The following TPD52 variants were observed in gnomAD, a reference collection of about 807,000 sequenced individuals.
TPD52 encodes the protein tumor protein D52.
In TPD52, 17 loss-of-function variants were observed where a neutral mutation model predicts 31.3. The observed-to-expected ratio is 0.54, with a 90% CI of 0.37 to 0.82. The LOEUF is 0.82. TPD52 is among the 40% of genes least tolerant of loss of function. The pLI is 0.00. For missense variants in TPD52, 212 were observed against 240.1 expected (o/e 0.88, Z 0.77); for synonymous variants, 83 against 89.6 (o/e 0.93, Z 0.42).
chr8:80,103,454 G>A (rs1806889347), intron 1 of TPD52, among the ~76,000 whole-genome samples: 1 of 152,214 alleles, frequency 6.6e-6, no homozygotes, highest in African/African-American at 2.4e-5. Context: ...GTGGTCTGAT[G>A]CTACCCCATT....
At chr8:80,095,102 C>A (rs867637655) in intron 1 of TPD52, among the ~76,000 whole-genome samples, 13 of 151,852 alleles carry the variant, frequency 8.6e-5, no homozygotes, top group Admixed American at 5.9e-4. Flanking sequence ...TCATGATCAC[C>A]AAAAACAAGA....
At chr8:80,125,490 T>C (rs199737852) in intron 1 of TPD52, among the ~76,000 whole-genome samples, 2 of 152,012 alleles carry the variant, frequency 1.3e-5, no homozygotes, top group East Asian at 3.9e-4. Context: ...CTTTTTCCAG[T>C]GGCAATTAAG....
At chr8:80,070,440 T>G (rs1174251186) in intron 1 of TPD52, among the ~76,000 whole-genome samples, 1 of 152,226 alleles carries the variant, frequency 6.6e-6, no homozygotes, top group East Asian at 1.9e-4. Flanking sequence ...TCCACGGCGG[T>G]TGGGGGTTGA....
chr8:80,160,889 CAAAAAA>C (rs58923055), intron 1 of TPD52, among the ~76,000 whole-genome samples: 15 of 95,040 alleles, frequency 1.6e-4, no homozygotes, highest in South Asian at 4.1e-4. Flanking sequence ...ACTAAAAATA[CAAAAAA>C]AAAAAAAAAA....
intron 1 of TPD52, among the ~76,000 whole-genome samples, chr8:80,169,209 G>A (rs1811916195): frequency 6.6e-6 from 1 of 152,070 alleles, no homozygotes; most frequent in Non-Finnish European, 1.5e-5. Context: ...TCAAACTCCT[G>A]GCCTCAAGTG....
chr8:80,042,211 G>A, intron 7 of TPD52: 1 of 985,354 alleles, frequency 1.0e-6, no homozygotes, highest in Non-Finnish European at 1.2e-6. Context: ...CAGCATAATA[G>A]CACATACATC....
intron 1 of TPD52, among the ~76,000 whole-genome samples, chr8:80,096,511 G>A (rs1189289108): frequency 6.6e-6 from 1 of 152,010 alleles, no homozygotes; most frequent in Non-Finnish European, 1.5e-5. Context: ...AAGGTTTATG[G>A]CAACACTGTG....
At chr8:80,071,653 C>CA (rs2130754180) in intron 1 of TPD52, among the ~76,000 whole-genome samples, 1 of 152,252 alleles carries the variant, frequency 6.6e-6, no homozygotes, top group Admixed American at 6.5e-5. Context: ...GTCATGGCTC[C>CA]ATCTCACTCT....
intron 1 of TPD52, among the ~76,000 whole-genome samples, chr8:80,081,879 C>T (rs1198550711): frequency 6.6e-6 from 1 of 152,244 alleles, no homozygotes; most frequent in East Asian, 1.9e-4. Context: ...TCTCAGCTCA[C>T]TGCAACCTCC....
rs1809815705 is a variant in TPD52, at chr8:80,035,105, C to T, written c.*3011G>A. The T allele has an allele frequency of 6.6e-6, 1 of 152,214 alleles. No individual in the cohort carries two copies. The highest frequency in any genetic ancestry group is 1.5e-5 in the Non-Finnish European group (1 of 68,044). 9.4% of individuals were successfully genotyped at this position (152,214 alleles called of 1,614,324 possible). On this transcript the variant is annotated 3_prime_UTR_variant, in exon 8 of 8. Transcript: ENST00000518937. ...TAATCTAATGAAAACAGGACAGTCA[C>T]TGAAAATAAGGACTAATCAATGGCC...
chr8:80,103,442 T>C (rs943036721), intron 1 of TPD52, among the ~76,000 whole-genome samples: 3 of 152,246 alleles, frequency 2.0e-5, no homozygotes, highest in Admixed American at 2.0e-4. Flanking sequence ...TGCTAGCCCC[T>C]TGTGGTCTGA....
chr8:80,102,378 T>C (rs184599230), intron 1 of TPD52, among the ~76,000 whole-genome samples: 41 of 152,292 alleles, frequency 2.7e-4, no homozygotes, highest in East Asian at 2.1e-3. Flanking sequence ...GAGAAAGTGG[T>C]TGACAGAGAA....
At chr8:80,099,045 G>A (rs765030346) in intron 1 of TPD52, among the ~76,000 whole-genome samples, 9 of 152,078 alleles carry the variant, frequency 5.9e-5, no homozygotes, top group Non-Finnish European at 1.3e-4. Flanking sequence ...TTTGTTTTGG[G>A]GGCGAGGGTA....
chr8:80,066,660 C>A (rs1813187004), intron 1 of TPD52, among the ~76,000 whole-genome samples: 1 of 152,102 alleles, frequency 6.6e-6, no homozygotes, highest in African/African-American at 2.4e-5. Flanking sequence ...CTTACTGGAC[C>A]CGTCTCCTGC....
At chr8:80,146,596 TCA>T (rs1041575888) in intron 1 of TPD52, among the ~76,000 whole-genome samples, 8 of 152,208 alleles carry the variant, frequency 5.3e-5, no homozygotes, top group African/African-American at 1.7e-4. Context: ...TTCATCAATT[TCA>T]CTTCTCCATA....
At chr8:80,167,957 T>G (rs1040838426) in intron 1 of TPD52, among the ~76,000 whole-genome samples, 2 of 152,182 alleles carry the variant, frequency 1.3e-5, no homozygotes, top group African/African-American at 4.8e-5. Context: ...CCATAAAAGG[T>G]AGTCAGGAGG....
intron 1 of TPD52, among the ~76,000 whole-genome samples, chr8:80,151,682 GTTAACCAATCA>G: frequency 6.6e-6 from 1 of 152,290 alleles, no homozygotes; most frequent in East Asian, 1.9e-4. Flanking sequence ...GTAACTTGTT[GTTAACCAATCA>G]GCTTTTTTTT....
At chr8:80,062,488 C>T (rs1246212176) in intron 2 of TPD52, among the ~76,000 whole-genome samples, 1 of 152,150 alleles carries the variant, frequency 6.6e-6, no homozygotes, top group African/African-American at 2.4e-5. Flanking sequence ...GAAATGGATT[C>T]TTAGATATCA....
chr8:80,108,165 C>A (rs972771234), intron 1 of TPD52, among the ~76,000 whole-genome samples: 3 of 152,098 alleles, frequency 2.0e-5, no homozygotes, highest in Non-Finnish European at 1.5e-5. Context: ...CAAATGCTTT[C>A]GGCTCAAAGC....
Sources: gnomAD v4.1 joint callset for allele counts (sites outside exome capture counted in the v4.1 genomes callset) on GRCh38, gnomAD v4.1.1 for gene constraint, MANE v1.5 for transcripts, NCBI Gene and HGNC (gene_info 2026-07-23, HGNC 2026-07-21) for gene names.